Variants in C1GALT1 observed in about 807,000 individuals in gnomAD.
C1GALT1 encodes the protein core 1 synthase, glycoprotein-N-acetylgalactosamine 3-beta-galactosyltransferase 1.
A neutral mutation model predicts 31.0 loss-of-function variants in C1GALT1; 11 were observed. The observed-to-expected ratio is 0.36, with a 90% CI of 0.22 to 0.59. The LOEUF is 0.59. Ranked by LOEUF, C1GALT1 falls within the 20% of genes least tolerant of loss-of-function variation. C1GALT1 has a pLI of 0.79. For missense variants in C1GALT1, 424 were observed against 425.2 expected, an observed-to-expected ratio of 1.00 and a Z score of 0.03; for synonymous variants, 175 against 143.6, an observed-to-expected ratio of 1.22 and a Z score of -1.56.
At chr7:7,176,299 A>G (rs1388176989) in intron 2 of C1GALT1, among the ~76,000 whole-genome samples, 1 of 152,228 alleles carries the variant, frequency 6.6e-6, no homozygotes, top group Non-Finnish European at 1.5e-5. Context: ...GAAAAAAAAA[A>G]TGCCACATTA....
At chr7:7,202,752 C>G (rs1164654990) in intron 1 of C1GALT1, among the ~76,000 whole-genome samples, 2 of 152,138 alleles carry the variant, frequency 1.3e-5, no homozygotes, top group Non-Finnish European at 2.9e-5. Flanking sequence ...TTTTCTCTTT[C>G]TGCAGAAAGC....
At position 7,247,757 on chromosome 7, in the gene C1GALT1, T is replaced by C. The variant is rs1783906436; in HGVS notation, c.*4030T>C. The C allele has an allele frequency of 6.6e-6, 1 of 152,070 alleles. No individual in the cohort carries two copies. The highest frequency in any genetic ancestry group is 1.5e-5 in the Non-Finnish European group (1 of 67,922). 9.4% of individuals were successfully genotyped at this position (152,070 alleles called of 1,614,324 possible). On this transcript the variant is annotated 3_prime_UTR_variant, in exon 4 of 4. Coordinates refer to ENST00000436587, the MANE Select transcript of C1GALT1 (RefSeq NM_020156.5). The stretch of plus-strand genomic sequence containing the variant: ...TTGTTTGCTTTATTACTAACTTCCA[T>C]TTTCTAGTTACTCTTAAATGCTGCC...
intron 1 of C1GALT1, among the ~76,000 whole-genome samples, chr7:7,221,171 A>G (rs1056978511): frequency 1.3e-5 from 2 of 148,508 alleles, no homozygotes; most frequent in African/African-American, 5.0e-5. Flanking sequence ...CTCTAAAGTG[A>G]TCTTTAGTTT....
rs76986838 is a variant in C1GALT1 at position 7,238,168 on chromosome 7, T to C, written c.221-87T>C. On this transcript the variant is annotated intron_variant, in intron 2 of 3. Transcript: ENST00000436587. The surrounding 1 kb of genome is among the most constrained non-coding windows in gnomAD (Gnocchi z 5.2). ...AGAGGGATAAATAGGGACTTTGAAA[T>C]TAGGACAGTGCTTTCTTCAGTATAA... 2.0e-3 allele frequency: 2,509 copies of C among 1,280,430 alleles called. 35 individuals carry two copies. The African/African-American group carries it at 0.031, about 16-fold the overall frequency. 79.3% of individuals were successfully genotyped at this position (1,280,430 alleles called of 1,614,324 possible).
intron 1 of C1GALT1, among the ~76,000 whole-genome samples, chr7:7,220,819 C>G (rs1276096787): frequency 5.3e-5 from 8 of 152,276 alleles, no homozygotes; most frequent in Middle Eastern, 3.4e-3. Context: ...CCAAAAGTAT[C>G]TTTATTCTTC....
chr7:7,179,681 C>T (rs1298682000), upstream of C1GALT1, among the ~76,000 whole-genome samples: 1 of 152,050 alleles, frequency 6.6e-6, no homozygotes, highest in Non-Finnish European at 1.5e-5. Context: ...TATAATCTTC[C>T]TCACCTAACA....
At chr7:7,216,511 A>C (rs1352783021) in intron 1 of C1GALT1, among the ~76,000 whole-genome samples, 4 of 136,654 alleles carry the variant, frequency 2.9e-5, no homozygotes, top group Non-Finnish European at 6.2e-5. Context: ...AGCCAAAAAA[A>C]ACATCTGGAG....
upstream of C1GALT1, chr7:7,178,241 C>A: frequency 4.3e-6 from 1 of 231,034 alleles, no homozygotes; most frequent in Non-Finnish European, 9.7e-6. Flanking sequence ...GAAATGTAGA[C>A]AGACCTGTTG....
At chr7:7,174,587 G>GA (rs142320914) in intron 2 of C1GALT1, among the ~76,000 whole-genome samples, 3,946 of 145,162 alleles carry the variant, frequency 0.027, 144 homozygotes, top group African/African-American at 0.093. Context: ...AGTTAAAAAA[G>GA]AAAAAAAAAA....
chr7:7,176,487 T>C (rs889606216), intron 2 of C1GALT1, among the ~76,000 whole-genome samples: 1 of 152,198 alleles, frequency 6.6e-6, no homozygotes, highest in African/African-American at 2.4e-5. Flanking sequence ...GGAACACTCC[T>C]GATTCTTATT....
At chr7:7,217,958 T>A (rs1782323348) in intron 1 of C1GALT1, among the ~76,000 whole-genome samples, 1 of 152,200 alleles carries the variant, frequency 6.6e-6, no homozygotes, top group Non-Finnish European at 1.5e-5. Flanking sequence ...GAGCGGTATG[T>A]TAGATACTGG....
At chr7:7,223,493 G>T (rs1402909512) in intron 1 of C1GALT1, among the ~76,000 whole-genome samples, 5 of 152,194 alleles carry the variant, frequency 3.3e-5, no homozygotes, top group Non-Finnish European at 5.9e-5. Flanking sequence ...TATATGGGAA[G>T]AGATTGCATG....
Position 7,168,403 on chromosome 7 carries a change from GAAGGA to G in C1GALT1, c.-18+10980_-18+10984del, listed in dbSNP as rs1295759309. Among the ~76,000 whole-genome samples, 4 of 152,274 alleles carry G rather than the reference GAAGGA, an allele frequency of 2.6e-5. No individual in the cohort carries two copies. The Middle Eastern group carries it at 0.01, about 388-fold the overall frequency. On this transcript the variant is annotated intron_variant, in intron 2 of 3. Transcript: ENST00000429911. ...AATACCACCTGGTGAGAATAAAAGT[GAAGGA>G]AATAAAGGAGTGTGAATATTGATTC...
At chr7:7,176,657 A>C (rs1207087521) in intron 2 of C1GALT1, among the ~76,000 whole-genome samples, 2 of 152,022 alleles carry the variant, frequency 1.3e-5, no homozygotes, top group Non-Finnish European at 2.9e-5. Flanking sequence ...CTCGAGGTTA[A>C]ATGTATTTCC....
At chr7:7,192,525 A>T (rs1781119256) in intron 1 of C1GALT1, among the ~76,000 whole-genome samples, 3 of 152,062 alleles carry the variant, frequency 2.0e-5, no homozygotes, top group Non-Finnish European at 4.4e-5. Context: ...TGTATATTAT[A>T]CATACCACAT....
At chr7:7,226,370 A>G (rs1782759323) in intron 1 of C1GALT1, among the ~76,000 whole-genome samples, 1 of 118,824 alleles carries the variant, frequency 8.4e-6, no homozygotes, top group Non-Finnish European at 1.7e-5. Context: ...TAAAATTTAA[A>G]AAAAAAAATA....
chr7:7,215,320 A>G (rs1048990429), intron 1 of C1GALT1, among the ~76,000 whole-genome samples: 2 of 152,198 alleles, frequency 1.3e-5, no homozygotes, highest in Non-Finnish European at 2.9e-5. Flanking sequence ...CCAACCTCAC[A>G]AATCCTTCTT....
chr7:7,220,045 C>G (rs1782440856), intron 1 of C1GALT1, among the ~76,000 whole-genome samples: 1 of 152,152 alleles, frequency 6.6e-6, no homozygotes, highest in Non-Finnish European at 1.5e-5. Flanking sequence ...TGTACAGGCA[C>G]TGCTCATGAA....
intron 1 of C1GALT1, among the ~76,000 whole-genome samples, chr7:7,190,681 A>G (rs1781031819): frequency 2.0e-5 from 3 of 151,802 alleles, no homozygotes; most frequent in South Asian, 4.1e-4. Context: ...ATACTCACCT[A>G]TTTTTCCAGA....
Sources: allele counts gnomAD v4.1 joint callset (sites outside exome capture counted in the v4.1 genomes callset), GRCh38; gene constraint gnomAD v4.1.1; non-coding constraint Gnocchi (gnomAD v3.1); transcripts MANE v1.5; gene names NCBI Gene and HGNC (gene_info 2026-07-23, HGNC 2026-07-21).